Variants in COL12A1 observed in about 807,000 individuals in gnomAD.
COL12A1 encodes collagen type XII alpha 1 chain.
In COL12A1, 114 loss-of-function variants were observed where a neutral mutation model predicts 349.7. The observed-to-expected ratio is 0.33, with a 90% confidence interval of 0.28 to 0.38. COL12A1 has a LOEUF of 0.38. COL12A1 is among the 10% of genes least tolerant of loss of function. The probability of loss-of-function intolerance (pLI) is 1.00; values close to 1 mark genes in which losing one functional copy is unlikely to be tolerated. For synonymous variants in COL12A1, 1,369 were observed against 1,329.0 expected (o/e 1.03, Z -0.66); for missense variants, 3,284 against 3,756.9 (o/e 0.87, Z 3.29).
At chr6:75,126,587 T>C (rs1205809480) in intron 38 of COL12A1, 117 bp from the exon 39 acceptor site, 15 of 1,171,952 alleles carry the variant, frequency 1.3e-5, no homozygotes, top group Middle Eastern at 2.6e-4. Flanking sequence ...TATCCCATAA[T>C]GTCTTTATCC....
At chr6:75,197,081 C>A (rs937778923) in intron 2 of COL12A1, among the ~76,000 whole-genome samples, 1 of 152,126 alleles carries the variant, frequency 6.6e-6, no homozygotes, top group Admixed American at 6.6e-5. Flanking sequence ...GCATGTACAG[C>A]TTTTCAGGCA....
chr6:75,098,422 G>C (rs1284473645), intron 58 of COL12A1, among the ~76,000 whole-genome samples: 5 of 152,304 alleles, frequency 3.3e-5, no homozygotes, highest in African/African-American at 9.6e-5. Context: ...GGGAGGCCAA[G>C]GCAGGAGGAT....
chr6:75,181,431 A>G (rs1769286243), intron 10 of COL12A1, among the ~76,000 whole-genome samples: 1 of 152,194 alleles, frequency 6.6e-6, no homozygotes, highest in Non-Finnish European at 1.5e-5. Flanking sequence ...TTGACTATCT[A>G]TAATACTAAC....
At chr6:75,091,723 C>G (rs762087214) in intron 60 of COL12A1, among the ~76,000 whole-genome samples, 198 bp from the exon 61 acceptor site, 3 of 152,172 alleles carry the variant, frequency 2.0e-5, no homozygotes, top group Non-Finnish European at 4.4e-5. Flanking sequence ...CTCTCTTTCT[C>G]TCTCTCTCTC....
chr6:75,087,877 G>T, intron 64 of COL12A1, 130 bp from the exon 65 acceptor site: 1 of 988,852 alleles, frequency 1.0e-6, no homozygotes, highest in Non-Finnish European at 1.5e-6. Flanking sequence ...GTAAGAAAAT[G>T]TTTCCTTAAG....
rs1188195242 is a variant in COL12A1 at position 75,155,906 on chromosome 6, G to A, written c.3251-52C>T. The A allele has an allele frequency of 3.3e-6, 5 of 1,521,330 alleles. No individual in the cohort carries two copies. In the South Asian group the frequency reaches 3.9e-5, roughly 12 times the overall value. 94.2% of individuals were successfully genotyped at this position (1,521,330 alleles called of 1,614,324 possible). A position where few individuals can be genotyped will look rare whatever the true frequency, so the allele number is the denominator to read the frequency against. On this transcript the variant is annotated intron_variant, in intron 15 of 65. Coordinates refer to ENST00000322507, the MANE Select transcript of COL12A1 (RefSeq NM_004370.6). ...TATTATCTGTAAGACTAGGCTTTGG[G>A]GTTTCTTTTTTATTAGCCCCACAAA...
Position 75,165,614 on chromosome 6 carries a change from T to A in COL12A1, c.2876A>T (p.His959Leu). Residue 959 changes from histidine to leucine, a missense_variant, in exon 14 of 66, where the codon CAT becomes CTT. Physicochemically the swap from His to Leu is moderately conservative, Grantham distance 99. Coordinates refer to ENST00000322507, the MANE Select transcript of COL12A1 (RefSeq NM_004370.6). ...GEKNLPEDAI[H>L]TMIENLQPET... Reference sequence around the variant, plus strand: ...TGGCTGCAGATTTTCTATCATCGTATGAATTGCATCTTCAGGCAGATTTTT... The same window carrying A: ...TGGCTGCAGATTTTCTATCATCGTAAGAATTGCATCTTCAGGCAGATTTTT... 1 of 1,614,024 alleles carries A rather than the reference T, an allele frequency of 6.2e-7. No homozygotes were observed. The highest frequency in any genetic ancestry group is 1.1e-5 in the South Asian group (1 of 91,080).
chr6:75,113,172 G>T (rs1348846453), intron 51 of COL12A1, 32 bp downstream of exon 51: 1 of 1,160,918 alleles, frequency 8.6e-7, no homozygotes, highest in Non-Finnish European at 1.2e-6. Flanking sequence ...TTTTTTTCTA[G>T]AAATAAGACT....
chr6:75,100,034 A>C (rs756205297), intron 58 of COL12A1, among the ~76,000 whole-genome samples: 1 of 152,138 alleles, frequency 6.6e-6, no homozygotes, highest in Non-Finnish European at 1.5e-5. Flanking sequence ...TCCTTTTTGC[A>C]TTAGTGGTAG....
At chr6:75,173,714 T>C (rs1051500522) in intron 13 of COL12A1, among the ~76,000 whole-genome samples, 2 of 152,176 alleles carry the variant, frequency 1.3e-5, no homozygotes, top group Admixed American at 1.3e-4. Context: ...ATTTATTTGT[T>C]TTTCATTCTT....
intron 12 of COL12A1, among the ~76,000 whole-genome samples, chr6:75,175,719 G>A (rs1180490656): frequency 1.4e-4 from 21 of 152,140 alleles, no homozygotes; most frequent in Admixed American, 1.3e-3. Context: ...TCAGTGTAAT[G>A]CTATGAACAT....
intron 24 of COL12A1, among the ~76,000 whole-genome samples, 165 bp from the exon 25 acceptor site, chr6:75,145,620 T>C (rs1489994701): frequency 6.6e-6 from 1 of 151,654 alleles, no homozygotes; most frequent in African/African-American, 2.4e-5. Flanking sequence ...TCTTTTTTTT[T>C]TTTTTTTTGG....
Position 75,145,327 on chromosome 6 carries a change from G to A in COL12A1, c.4689C>T (p.Thr1563=), listed in dbSNP as rs1767120492. 1 of 1,603,228 alleles carries A rather than the reference G, an allele frequency of 6.2e-7. No homozygotes were observed. ...AAATAAAACTAAGCAGTAGCTTACA[G>A]GTGACTTCCCGAACAGTGACAGGTT... ...TSEPVTVREV[T]LPLPRPQDLK... is the part of the protein sequence containing the mutation. Residue 1563 remains threonine, a splice_region_variant and synonymous_variant, in exon 25 of 66, where the codon ACC becomes ACT. Transcript: ENST00000322507.
intron 59 of COL12A1, among the ~76,000 whole-genome samples, chr6:75,095,544 G>C (rs1767967674): frequency 6.8e-6 from 1 of 147,992 alleles, no homozygotes; most frequent in Non-Finnish European, 1.5e-5. Context: ...GTGAACCCAG[G>C]AAGCGGAGCT....
intron 13 of COL12A1, among the ~76,000 whole-genome samples, chr6:75,168,883 G>A (rs1768466180): frequency 6.6e-6 from 1 of 152,142 alleles, no homozygotes; most frequent in East Asian, 1.9e-4. Context: ...TTACACACAT[G>A]ATGCTCTGTA....
chr6:75,148,209 AAAGTC>A (rs1767298247), intron 22 of COL12A1, 144 bp downstream of exon 22: 2 of 652,508 alleles, frequency 3.1e-6, no homozygotes, highest in South Asian at 7.9e-5. Flanking sequence ...CCTGCCTAGC[AAAGTC>A]AAGAATAGAA....
In COL12A1 at chr6:75,147,691, C is replaced by T; in HGVS notation, c.4401G>A (p.Lys1467=). 1.9e-6 allele frequency: 3 copies of T among 1,608,898 alleles called. No homozygotes were observed. Among genetic ancestry groups the T allele is most frequent in the Non-Finnish European group, 2.5e-6 (3 of 1,178,046 alleles). Residue 1467 remains lysine (K), a synonymous_variant, in exon 23 of 66, where the codon AAG becomes AAA. Transcript: ENST00000322507. ...VVEDEYSEPL[K]GTEKTLPVPV... ...CTGACTCACAGGTTTTTTCTGTCCCCTTCAGAGGCTCACTATATTCATCTT... is the reference window on the plus strand; with the variant it reads ...CTGACTCACAGGTTTTTTCTGTCCCTTTCAGAGGCTCACTATATTCATCTT...
Position 75,121,291 on chromosome 6 carries a change from AT to A in COL12A1, c.7086+10del. ...TCACAAATGAGTAGCCACTGGCGGA[AT>A]GACACTAACCTGAATCCCAGCAGGA... On this transcript the variant is annotated intron_variant, in intron 44 of 65. Transcript: ENST00000322507. 1 of 1,568,712 alleles carries A rather than the reference AT, an allele frequency of 6.4e-7. No individual in the cohort carries two copies. The highest frequency in any genetic ancestry group is 8.7e-7 in the Non-Finnish European group (1 of 1,149,266).
chr6:75,154,937 C>T (rs1767679475), intron 16 of COL12A1, among the ~76,000 whole-genome samples: 1 of 152,086 alleles, frequency 6.6e-6, no homozygotes, highest in Non-Finnish European at 1.5e-5. Context: ...AAGACAATGC[C>T]TAACACAATG....
Sources: gnomAD v4.1 joint callset for allele counts (sites outside exome capture counted in the v4.1 genomes callset) on GRCh38, gnomAD v4.1.1 for gene constraint, MANE v1.5 for transcripts, NCBI Gene and HGNC (gene_info 2026-07-23, HGNC 2026-07-21) for gene names.